FBXL12: variants seen among roughly 807,000 people sequenced by gnomAD.
FBXL12 encodes the protein F-box and leucine rich repeat protein 12, also known as F-box/LRR-repeat protein 12.
In FBXL12, 22 loss-of-function variants were observed where a neutral mutation model predicts 24.9. The observed-to-expected ratio is 0.88, with a 90% CI of 0.63 to 1.26. The LOEUF (loss-of-function observed/expected upper bound fraction) is 1.26, where lower values mean the gene tolerates loss of function less well. FBXL12 is among the 50% of genes most tolerant of loss of function. The pLI, the probability that FBXL12 is intolerant of heterozygous loss-of-function variation, is 0.00. For synonymous variants in FBXL12, 193 were observed against 193.8 expected (o/e 1.00, Z 0.03); for missense variants, 384 against 434.1 (o/e 0.88, Z 1.03).
chr19:9,812,779 C>A (rs28533126), intron 2 of FBXL12, among the ~76,000 whole-genome samples: 11,372 of 113,894 alleles, frequency 0.1, 601 homozygotes, highest in African/African-American at 0.2. Flanking sequence ...AAAAAAAAAA[C>A]AACAAATGAA....
intron 2 of FBXL12, among the ~76,000 whole-genome samples, chr19:9,817,341 T>C (rs2045907479): frequency 2.0e-5 from 3 of 152,230 alleles, no homozygotes; most frequent in Admixed American, 2.0e-4. Flanking sequence ...ATGGGCTACT[T>C]TTGACAGAGG....
rs769259793 is a variant in FBXL12 at position 9,818,623 on chromosome 19, G to A, written c.87-6C>T. 1.3e-5 allele frequency: 20 copies of A among 1,553,390 alleles called. No individual in the cohort carries two copies. The Admixed American group carries it at 3.9e-4, about 30-fold the overall frequency. ...TCTTCCAGCGGTGACAGACCCTGGG[G>A]GAGGGGACGCGCGGTTAGAACGACC... is the stretch of plus-strand genomic sequence containing the variant. On this transcript the variant is annotated splice_polypyrimidine_tract_variant and splice_region_variant and intron_variant, in intron 1 of 2. Transcript: ENST00000247977.
chr19:9,817,647 G>C (rs966648183), intron 2 of FBXL12, among the ~76,000 whole-genome samples: 1 of 151,928 alleles, frequency 6.6e-6, no homozygotes, highest in Non-Finnish European at 1.5e-5. Context: ...GACCATCCTG[G>C]GCAACATAGC....
At chr19:9,813,771 T>C (rs2045815326) in intron 2 of FBXL12, among the ~76,000 whole-genome samples, 1 of 152,058 alleles carries the variant, frequency 6.6e-6, no homozygotes, top group Admixed American at 6.6e-5. Context: ...CCCAAGGTGC[T>C]GGGATTACAG....
intron 2 of FBXL12, among the ~76,000 whole-genome samples, chr19:9,817,339 CT>C (rs2045907433): frequency 6.6e-6 from 1 of 152,176 alleles, no homozygotes; most frequent in African/African-American, 2.4e-5. Context: ...TTATGGGCTA[CT>C]TTTGACAGAG....
intron 2 of FBXL12, among the ~76,000 whole-genome samples, chr19:9,817,470 C>G (rs2045909002): frequency 6.6e-6 from 1 of 152,106 alleles, no homozygotes; most frequent in African/African-American, 2.4e-5. Flanking sequence ...ATTTTAAATG[C>G]ACACAAAACC....
chr19:9,811,664 G>C lies in FBXL12; in HGVS notation c.213C>G (p.Leu71=), dbSNP rs777867364. The C allele has an allele frequency of 1.3e-6, 2 of 1,519,094 alleles. No individual in the cohort carries two copies. The highest frequency in any genetic ancestry group is 1.8e-6 in the Non-Finnish European group (2 of 1,134,268). The allele number at this position is 1,519,094 out of a possible 1,614,324, so 94.1% of individuals were successfully genotyped here. A position where few individuals can be genotyped will look rare whatever the true frequency, so the allele number is the denominator to read the frequency against. ...GGTAGCCACCCATCCGCAGGGAATG[G>C]AGCCGGGATGCCATGTACCTTCGAA... is the stretch of plus-strand genomic sequence containing the variant. The part of the protein sequence containing the change: ...HLLRRYMASR[L]HSLRMGGYLF... The change falls in exon 3 of 3, where the codon CTC becomes CTG. Residue 71 remains leucine, a synonymous_variant. Transcript: ENST00000247977. This position sits in a 1 kb window ranked among gnomAD's most constrained non-coding sequence, Gnocchi z 6.0.
chr19:9,812,530 CAAAAAAAAAAAA>C (rs374538314), intron 2 of FBXL12, among the ~76,000 whole-genome samples: 10 of 32,566 alleles, frequency 3.1e-4, no homozygotes, highest in Non-Finnish European at 6.3e-4. Context: ...GACTCTGTCT[CAAAAAAAAAAAA>C]AAAAAAAAAA....
Position 9,811,034 on chromosome 19 carries a change from C to T in FBXL12, c.843G>A (p.Met281Ile), listed in dbSNP as rs751207779. ...GCAGCTCAAGGACTCTGAGCTTGGG[C>T]ATAGTGAGGCAGGAGGAGAGGATTT... is the stretch of plus-strand genomic sequence containing the variant. ...PTEILSSCLT[M>I]PKLRVLELQG... The change falls in exon 3 of 3, where the codon ATG (methionine) becomes ATA (isoleucine). Residue 281 changes from methionine (M) to isoleucine (I), a missense_variant. Coordinates refer to ENST00000247977, the MANE Select transcript of FBXL12 (RefSeq NM_017703.3). This position sits in a 1 kb window ranked among gnomAD's most constrained non-coding sequence, Gnocchi z 6.0. 6.3e-7 allele frequency: 1 copy of T among 1,590,488 alleles called. No individual in the cohort carries two copies. Among genetic ancestry groups the T allele is most frequent in the African/African-American group, 1.3e-5 (1 of 74,440 alleles).
At chr19:9,815,850 T>C (rs1165930623) in intron 2 of FBXL12, among the ~76,000 whole-genome samples, 2 of 152,168 alleles carry the variant, frequency 1.3e-5, no homozygotes, top group South Asian at 2.1e-4. Context: ...GGTTTCACCA[T>C]GTTGGCCAGG....
At chr19:9,816,665 T>C (rs1304825520) in intron 2 of FBXL12, among the ~76,000 whole-genome samples, 2 of 152,230 alleles carry the variant, frequency 1.3e-5, no homozygotes, top group Non-Finnish European at 1.5e-5. Context: ...GTTCCAAACT[T>C]TCCCACATTT....
Position 9,818,822 on chromosome 19 carries a change from C to A in FBXL12, c.-9G>T, listed in dbSNP as rs761691565. 1.3e-6 allele frequency: 2 copies of A among 1,548,284 alleles called. No homozygotes were observed. Among genetic ancestry groups the A allele is most frequent in the African/African-American group, 1.4e-5 (1 of 73,416 alleles). On this transcript the variant is annotated 5_prime_UTR_variant, in exon 1 of 3. Transcript: ENST00000247977. The stretch of plus-strand genomic sequence containing the variant: ...TCGACCAAAGTCGCCATGATCCCGC[C>A]GACACGCACTTCCGCTTCCGGTTAA...
Position 9,811,864 on chromosome 19 carries a change from T to G in FBXL12, c.160-147A>C. 1 of 565,582 alleles carries G rather than the reference T, an allele frequency of 1.8e-6. No individual in the cohort carries two copies. Among genetic ancestry groups the G allele is most frequent in the Non-Finnish European group, 2.9e-6 (1 of 347,270 alleles). 35.0% of individuals were successfully genotyped at this position (565,582 alleles called of 1,614,324 possible). ...TGCCTAGCCAGTCTCCTCCCCAGGT[T>G]CAACCTCCCCAGGTTCAACCAGATG... On this transcript the variant is annotated intron_variant, in intron 2 of 2. Transcript: ENST00000247977. The surrounding 1 kb of genome is among the most constrained non-coding windows in gnomAD (Gnocchi z 6.0).
intron 2 of FBXL12, 199 bp downstream of exon 2, chr19:9,818,346 C>G: frequency 1.6e-6 from 1 of 610,652 alleles, no homozygotes; most frequent in Admixed American, 2.9e-5. Flanking sequence ...TGTCCTTTAT[C>G]CCCATTGCAG....
At chr19:9,812,157 G>A (rs2045769505) in intron 2 of FBXL12, among the ~76,000 whole-genome samples, 1 of 151,960 alleles carries the variant, frequency 6.6e-6, no homozygotes, top group Admixed American at 6.6e-5. Context: ...CCAACTCCTG[G>A]ATTCAAGCAA....
intron 2 of FBXL12, chr19:9,818,301 A>T: frequency 1.8e-6 from 1 of 565,912 alleles, no homozygotes; most frequent in Non-Finnish European, 3.2e-6. Flanking sequence ...GCGTGATCTC[A>T]GTGAAGTCCC....
chr19:9,818,417 G>C, intron 2 of FBXL12, 128 bp downstream of exon 2: 1 of 966,212 alleles, frequency 1.0e-6, no homozygotes, highest in Non-Finnish European at 1.5e-6. Flanking sequence ...TGCCGAGATA[G>C]GCCCCGGATC....
intron 2 of FBXL12, chr19:9,818,265 G>C (rs1437418481): frequency 2.0e-6 from 1 of 501,962 alleles, no homozygotes; most frequent in Admixed American, 3.6e-5. Flanking sequence ...ATAAATATGT[G>C]CCAGACTGTT....
rs2045758170 is a variant in FBXL12, at chr19:9,811,705, C to T, written c.172G>A (p.Val58Ile). Residue 58 changes from valine (V) to isoleucine (I), a missense_variant, in exon 3 of 3, where the codon GTC becomes ATC. Transcript: ENST00000247977. The surrounding 1 kb of genome is among the most constrained non-coding windows in gnomAD (Gnocchi z 6.0). ...TACCTTCGAAGGAGGTGCCACATGA[C>T]TTTAGGTCGCATCTGTAAGAGCCAG... ...DLTLYTMRPK[V>I]MWHLLRRYMA... 1.3e-6 allele frequency: 2 copies of T among 1,511,144 alleles called. No individual in the cohort carries two copies. Among genetic ancestry groups the T allele is most frequent in the South Asian group, 1.3e-5 (1 of 74,590 alleles). The allele number at this position is 1,511,144 out of a possible 1,614,324, so 93.6% of individuals were successfully genotyped here.
Sources: allele counts gnomAD v4.1 joint callset (sites outside exome capture counted in the v4.1 genomes callset), GRCh38; gene constraint gnomAD v4.1.1; non-coding constraint Gnocchi (gnomAD v3.1); transcripts MANE v1.5; gene names NCBI Gene and HGNC (gene_info 2026-07-23, HGNC 2026-07-21).